The following SLC12A1 variants were observed in gnomAD, a reference collection of about 807,000 sequenced individuals.
SLC12A1 encodes Na-K-2Cl cotransporter.
A neutral mutation model predicts 130.4 loss-of-function variants in SLC12A1; 89 were observed. The observed-to-expected ratio is 0.68, with a 90% CI of 0.58 to 0.81. SLC12A1 has a LOEUF of 0.81. Among genes scored for constraint, SLC12A1 ranks in the 40% least tolerant of loss-of-function variants. The pLI, the probability that SLC12A1 is intolerant of heterozygous loss-of-function variation, is 0.00. For missense variants in SLC12A1, 1,310 were observed against 1,336.4 expected, an observed-to-expected ratio of 0.98 and a Z score of 0.31; for synonymous variants, 499 against 460.0, an observed-to-expected ratio of 1.08 and a Z score of -1.09.
chr15:48,237,196 T>C, intron 9 of SLC12A1: 1 of 590,712 alleles, frequency 1.7e-6, no homozygotes. Context: ...GAACAGGAGT[T>C]TGCCGACAGG....
At chr15:48,250,215 C>T (rs1377591402) in intron 14 of SLC12A1, among the ~76,000 whole-genome samples, 1 of 152,166 alleles carries the variant, frequency 6.6e-6, no homozygotes, top group Non-Finnish European at 1.5e-5. Flanking sequence ...CTAGTCACTC[C>T]TCACCTCTTC....
At chr15:48,255,136 C>T (rs1363972620) in intron 15 of SLC12A1, among the ~76,000 whole-genome samples, 1 of 151,542 alleles carries the variant, frequency 6.6e-6, no homozygotes, top group East Asian at 2.0e-4. Context: ...AATGCTGCTT[C>T]TCCTTCCAGT....
intron 11 of SLC12A1, among the ~76,000 whole-genome samples, chr15:48,245,369 C>T (rs2041565425): frequency 6.6e-6 from 1 of 152,054 alleles, no homozygotes; most frequent in African/African-American, 2.4e-5. Flanking sequence ...GTGAGTAGTT[C>T]ACTCAGGTAC....
At chr15:48,260,506 G>A (rs1478211755) in intron 17 of SLC12A1, among the ~76,000 whole-genome samples, 1 of 152,104 alleles carries the variant, frequency 6.6e-6, no homozygotes, top group Admixed American at 6.6e-5. Context: ...CAATAGCCTA[G>A]TGAAGCAGGA....
Position 48,302,884 on chromosome 15 carries a change from A to G in SLC12A1, c.3299A>G (p.Ter1100=), listed in dbSNP as rs1367185244. Residue 1100 remains the stop codon, a stop_retained_variant, in exon 27 of 27, where the codon TAA becomes TGA. Coordinates refer to ENST00000380993, the MANE Select transcript of SLC12A1 (RefSeq NM_000338.3). Reference sequence around the variant, plus strand: ...AAAAATGTCTTGACATTTTACTCTTAAAACATGAAAGATTGGAATACATTT... The same window carrying G: ...AAAAATGTCTTGACATTTTACTCTTGAAACATGAAAGATTGGAATACATTT... ...NHKNVLTFYS[*] is the part of the protein sequence containing the mutation. 1 of 1,602,150 alleles carries G rather than the reference A, an allele frequency of 6.2e-7. No homozygotes were observed. The highest frequency in any genetic ancestry group is 8.5e-7 in the Non-Finnish European group (1 of 1,170,014).
rs562793714 is a variant in SLC12A1, at chr15:48,230,279, T to G, written c.865-114T>G. Reference sequence around the variant, plus strand: ...GTATGAATACTCCATTTTTCTATTATCCTATATGGCCCCAGGTGTAATTGT... The same window carrying G: ...GTATGAATACTCCATTTTTCTATTAGCCTATATGGCCCCAGGTGTAATTGT... On this transcript the variant is annotated intron_variant, in intron 6 of 26. Transcript: ENST00000380993. 8 of 650,400 alleles carry G rather than the reference T, an allele frequency of 1.2e-5. No individual in the cohort carries two copies. Among genetic ancestry groups the G allele is most frequent in the Non-Finnish European group, 1.9e-5 (7 of 364,480 alleles). 40.3% of individuals were successfully genotyped at this position (650,400 alleles called of 1,614,324 possible).
At chr15:48,249,107 G>A (rs566351345) in intron 13 of SLC12A1, among the ~76,000 whole-genome samples, 1 of 152,220 alleles carries the variant, frequency 6.6e-6, no homozygotes, top group East Asian at 1.9e-4. Flanking sequence ...ATGTGAAAAA[G>A]GTATGAATGA....
chr15:48,220,360 C>A (rs987730539), intron 2 of SLC12A1, among the ~76,000 whole-genome samples: 1 of 152,036 alleles, frequency 6.6e-6, no homozygotes, highest in Non-Finnish European at 1.5e-5. Flanking sequence ...CCAAATCTGA[C>A]TTTTCACCAG....
At chr15:48,275,785 A>T (rs2041945773) in intron 20 of SLC12A1, among the ~76,000 whole-genome samples, 1 of 152,204 alleles carries the variant, frequency 6.6e-6, no homozygotes, top group African/African-American at 2.4e-5. Context: ...TATAAGGAGG[A>T]TCTAGACTGT....
intron 20 of SLC12A1, among the ~76,000 whole-genome samples, chr15:48,283,113 TTGTTTTGCATGACTAGGCCC>T (rs2042024614): frequency 6.6e-6 from 1 of 152,210 alleles, no homozygotes; most frequent in African/African-American, 2.4e-5. Flanking sequence ...AATACTCAAT[TTGTTTTGCATGACTAGGCCC>T]ATTTCCAAAA....
intron 23 of SLC12A1, among the ~76,000 whole-genome samples, chr15:48,289,535 T>C (rs894807099): frequency 2.6e-5 from 4 of 151,426 alleles, no homozygotes; most frequent in Admixed American, 1.3e-4. Flanking sequence ...TTCTGAGAAA[T>C]GTATCAGGCA....
chr15:48,259,371 T>C (rs1261860303), intron 17 of SLC12A1, 60 bp downstream of exon 17: 1 of 1,159,336 alleles, frequency 8.6e-7, no homozygotes. Flanking sequence ...TGGATTATTT[T>C]GGGTGAGGAG....
At position 48,303,161 on chromosome 15, in the gene SLC12A1, T is replaced by A. The variant is rs2042254361; in HGVS notation, c.*276T>A. 3.7e-6 allele frequency: 1 copy of A among 267,178 alleles called. No homozygotes were observed. The highest frequency in any genetic ancestry group is 7.0e-6 in the Non-Finnish European group (1 of 143,152). 16.6% of individuals were successfully genotyped at this position (267,178 alleles called of 1,614,324 possible). A position where few individuals can be genotyped will look rare whatever the true frequency, so the allele number is the denominator to read the frequency against. ...AATCAAGGAAACTCATGTTGGCTTA[T>A]GCTCATGAAAACCACCAATGTGATT... On this transcript the variant is annotated 3_prime_UTR_variant, in exon 27 of 27. Transcript: ENST00000380993.
intron 13 of SLC12A1, among the ~76,000 whole-genome samples, chr15:48,248,247 A>C (rs1008129636): frequency 2.0e-5 from 3 of 152,188 alleles, no homozygotes; most frequent in Non-Finnish European, 4.4e-5. Context: ...TCAGGAAGGG[A>C]CTATAATTCA....
At chr15:48,269,789 T>A in intron 19 of SLC12A1, 25 bp downstream of exon 19, 1 of 1,313,262 alleles carries the variant, frequency 7.6e-7, no homozygotes, top group South Asian at 1.2e-5. Context: ...TCAAGACGTG[T>A]TCTTGTTTAT....
intron 17 of SLC12A1, among the ~76,000 whole-genome samples, chr15:48,263,039 T>C (rs1004903743): frequency 1.3e-5 from 2 of 152,206 alleles, no homozygotes; most frequent in Non-Finnish European, 2.9e-5. Context: ...TATGTACCTG[T>C]AATTCTCTGG....
chr15:48,229,949 A>T (rs1329753536), intron 6 of SLC12A1, among the ~76,000 whole-genome samples: 2 of 152,222 alleles, frequency 1.3e-5, no homozygotes, highest in African/African-American at 4.8e-5. Context: ...TTCACAAGGT[A>T]TATTACCTTC....
intron 17 of SLC12A1, among the ~76,000 whole-genome samples, chr15:48,262,702 C>T (rs1389944769): frequency 6.6e-6 from 1 of 152,124 alleles, no homozygotes; most frequent in African/African-American, 2.4e-5. Flanking sequence ...AAATAAATGA[C>T]ATATTTCTAT....
intron 17 of SLC12A1, among the ~76,000 whole-genome samples, chr15:48,261,848 T>G (rs1414256231): frequency 6.6e-6 from 1 of 152,182 alleles, no homozygotes; most frequent in African/African-American, 2.4e-5. Flanking sequence ...CTATTAGCCG[T>G]GAGTCCCTTA....
Sources: allele counts gnomAD v4.1 joint callset (sites outside exome capture counted in the v4.1 genomes callset), GRCh38; gene constraint gnomAD v4.1.1; transcripts MANE v1.5; gene names NCBI Gene and HGNC (gene_info 2026-07-23, HGNC 2026-07-21).